Variants in DNAJB4 observed in about 807,000 individuals in gnomAD.
DNAJB4 encodes the protein dnaJ homolog subfamily B member 4.
DNAJB4 carries 10 observed loss-of-function variants against 26.6 expected under a neutral mutation model. That is an observed-to-expected ratio of 0.38 (90% CI 0.23 to 0.64). DNAJB4 has a LOEUF of 0.64. DNAJB4 is among the 30% of genes least tolerant of loss of function. DNAJB4 has a pLI of 0.58. For synonymous variants in DNAJB4, 136 were observed against 134.8 expected (o/e 1.01, Z -0.06); for missense variants, 328 against 408.2 (o/e 0.80, Z 1.69).
At position 78,013,083 on chromosome 1, in the gene DNAJB4, C is replaced by A; in HGVS notation, c.244C>A (p.Gln82Lys). ...LKGGAGGTDG[Q>K]GGTFRYTFHG... The stretch of plus-strand genomic sequence containing the variant: ...AGGAGGAGCAGGAGGTACTGATGGA[C>A]AAGGAGGTACCTTCCGGTACACCTT... The change falls in exon 2 of 3, where the codon CAA (glutamine) becomes AAA (lysine). Residue 82 changes from glutamine to lysine, a missense_variant. Coordinates refer to ENST00000370763, the MANE Select transcript of DNAJB4 (RefSeq NM_007034.5). 2 of 1,612,384 alleles carry A rather than the reference C, an allele frequency of 1.2e-6. No homozygotes were observed. Among genetic ancestry groups the A allele is most frequent in the African/African-American group, 1.3e-5 (1 of 75,030 alleles).
rs1660293163 is a variant in DNAJB4 at position 78,005,043 on chromosome 1, G to A, written c.-68G>A. ...GCTTGGTTTATTTTTCTTAGAATCT[G>A]TTGCTAAGACTGGGGACGCTGTTTT... On this transcript the variant is annotated 5_prime_UTR_variant, in exon 1 of 3. Transcript: ENST00000370763. The A allele has an allele frequency of 6.7e-7, 1 of 1,483,812 alleles. No homozygotes were observed. The highest frequency in any genetic ancestry group is 1.4e-5 in the African/African-American group (1 of 70,752). The allele number at this position is 1,483,812 out of a possible 1,614,324, so 91.9% of individuals were successfully genotyped here. A position where few individuals can be genotyped will look rare whatever the true frequency, so the allele number is the denominator to read the frequency against.
intron 1 of DNAJB4, among the ~76,000 whole-genome samples, chr1:77,999,936 A>G (rs181743466): frequency 1.3e-5 from 2 of 152,340 alleles, no homozygotes; most frequent in East Asian, 3.9e-4. Context: ...GTGAGGCATC[A>G]ACAGATATTA....
chr1:78,000,542 A>C (rs979129736), upstream of DNAJB4, among the ~76,000 whole-genome samples: 1 of 152,214 alleles, frequency 6.6e-6, no homozygotes, highest in Non-Finnish European at 1.5e-5. Context: ...TCACCTCGGC[A>C]AATATAATCA....
chr1:77,988,188 A>G (rs537163204), intron 1 of DNAJB4, among the ~76,000 whole-genome samples: 2 of 151,982 alleles, frequency 1.3e-5, no homozygotes, highest in African/African-American at 4.8e-5. Context: ...TATCTGGCTG[A>G]CATTTTTTAT....
intron 1 of DNAJB4, among the ~76,000 whole-genome samples, chr1:78,007,684 G>A (rs72685386): frequency 0.027 from 4,143 of 152,256 alleles, 100 homozygotes; most frequent in South Asian, 0.12. Flanking sequence ...TTTGTTTGCC[G>A]TTTATTCAGA....
chr1:78,002,387 G>A (rs72685384), upstream of DNAJB4, among the ~76,000 whole-genome samples: 1 of 152,160 alleles, frequency 6.6e-6, no homozygotes, highest in Non-Finnish European at 1.5e-5. Context: ...CTAGGTAGTA[G>A]AGAAGACATC....
chr1:77,999,849 A>G (rs926577060), intron 1 of DNAJB4, among the ~76,000 whole-genome samples: 3 of 152,186 alleles, frequency 2.0e-5, no homozygotes, highest in Non-Finnish European at 2.9e-5. Context: ...ATTCTTTTGT[A>G]CTAGCCCTCT....
At chr1:78,000,711 G>A (rs184866778), upstream of DNAJB4, among the ~76,000 whole-genome samples, 164 of 152,250 alleles carry the variant, frequency 1.1e-3, 1 homozygote, top group African/African-American at 3.9e-3. Context: ...ATGGCCAGGC[G>A]TGGTGGCTCA....
chr1:78,003,050 TACCC>T (rs935881883), upstream of DNAJB4, among the ~76,000 whole-genome samples: 6 of 152,022 alleles, frequency 3.9e-5, no homozygotes, highest in African/African-American at 1.4e-4. Context: ...CTGCAAACAC[TACCC>T]GCCAGAACAA....
chr1:77,980,650 C>G (rs1659576393), intron 1 of DNAJB4, among the ~76,000 whole-genome samples: 1 of 151,966 alleles, frequency 6.6e-6, no homozygotes, highest in Non-Finnish European at 1.5e-5. Flanking sequence ...TAAAAAAATA[C>G]TTTTTCAGCA....
upstream of DNAJB4, chr1:78,004,476 T>C (rs1660271603): frequency 2.0e-5 from 3 of 152,190 alleles, no homozygotes; most frequent in Admixed American, 2.0e-4. Context: ...CATAAATTAC[T>C]TGGAAATCCT....
At chr1:77,985,331 G>A (rs896344092) in intron 1 of DNAJB4, among the ~76,000 whole-genome samples, 5 of 151,848 alleles carry the variant, frequency 3.3e-5, no homozygotes, top group African/African-American at 1.2e-4. Flanking sequence ...GATCTCTTTG[G>A]AATTTGCCTT....
chr1:78,011,622 T>A (rs1235257507), intron 1 of DNAJB4, among the ~76,000 whole-genome samples: 1 of 151,874 alleles, frequency 6.6e-6, no homozygotes, highest in Non-Finnish European at 1.5e-5. Context: ...GTAGCTGGGA[T>A]TATAGGCATG....
Position 78,016,048 on chromosome 1 carries a change from T to G in DNAJB4, c.815T>G (p.Leu272Arg). The G allele has an allele frequency of 5.0e-6, 8 of 1,614,082 alleles. No individual in the cohort carries two copies. The highest frequency in any genetic ancestry group is 6.8e-6 in the Non-Finnish European group (8 of 1,180,000). Residue 272 changes from leucine to arginine, a missense_variant, in exon 3 of 3, where the codon CTG (leucine) becomes CGG (arginine). Physicochemically the swap from Leu to Arg is moderately radical, Grantham distance 102. Transcript: ENST00000370763. ...LCGCSINVPT[L>R]DGRNIPMSVN... ...GGCTGCTCAATTAATGTACCAACAC[T>G]GGATGGAAGAAACATACCTATGTCA...
intron 1 of DNAJB4, among the ~76,000 whole-genome samples, chr1:77,982,926 G>A (rs1659693476): frequency 6.6e-6 from 1 of 152,226 alleles, no homozygotes; most frequent in Non-Finnish European, 1.5e-5. Flanking sequence ...CCACACCTGT[G>A]GGTGTTTCTC....
intron 1 of DNAJB4, among the ~76,000 whole-genome samples, chr1:77,990,710 A>G (rs577536159): frequency 6.6e-5 from 10 of 152,204 alleles, no homozygotes; most frequent in African/African-American, 2.4e-5. Flanking sequence ...ACCTTTGTCA[A>G]TCCAGAAATG....
At chr1:78,012,146 TTTCTTTTCTTTTC>T in intron 1 of DNAJB4, among the ~76,000 whole-genome samples, 1 of 113,394 alleles carries the variant, frequency 8.8e-6, no homozygotes, top group South Asian at 3.0e-4. Flanking sequence ...TTATTTTCTT[TTTCTTTTCTTTTC>T]TTTTTTTTTT....
At chr1:77,987,331 T>G (rs928177943) in intron 1 of DNAJB4, among the ~76,000 whole-genome samples, 13 of 152,220 alleles carry the variant, frequency 8.5e-5, no homozygotes, top group Non-Finnish European at 1.8e-4. Context: ...TGGTGCAATC[T>G]TAGCTCACTG....
At chr1:78,015,386 C>G (rs1002006142) in intron 2 of DNAJB4, among the ~76,000 whole-genome samples, 58 of 151,912 alleles carry the variant, frequency 3.8e-4, no homozygotes, top group African/African-American at 1.3e-3. Flanking sequence ...TCAAAATAAC[C>G]ATGTCATTCC....
Sources: gnomAD v4.1 joint callset for allele counts (sites outside exome capture counted in the v4.1 genomes callset) on GRCh38, gnomAD v4.1.1 for gene constraint, MANE v1.5 for transcripts, NCBI Gene and HGNC (gene_info 2026-07-23, HGNC 2026-07-21) for gene names.